TMEM178B: variants seen among roughly 807,000 people sequenced by gnomAD.
TMEM178B encodes transmembrane protein 178B.
Under a neutral mutation model 31.0 loss-of-function variants are expected in TMEM178B, and 5 were observed. That is an observed-to-expected ratio of 0.16 (90% confidence interval 0.08 to 0.34). The LOEUF is 0.34. TMEM178B is among the 10% of genes least tolerant of loss of function. The pLI is 1.00. For synonymous variants in TMEM178B, 164 were observed against 164.0 expected, an observed-to-expected ratio of 1.00 and a Z score of 0.00; for missense variants, 275 against 400.3, an observed-to-expected ratio of 0.69 and a Z score of 2.67.
rs546335978 is a variant in TMEM178B at position 141,322,324 on chromosome 7, C to T, written c.496+109620C>T. On this transcript the variant is annotated intron_variant, in intron 2 of 3. Coordinates refer to ENST00000565468, the MANE Select transcript of TMEM178B (RefSeq NM_001195278.2). ...GGCGGACCACTTGAGGTCAGGAGTTCGAGACCAGCCTGGCCAAAATGGTGA... is the reference window on the plus strand; with the variant it reads ...GGCGGACCACTTGAGGTCAGGAGTTTGAGACCAGCCTGGCCAAAATGGTGA... Among the ~76,000 whole-genome samples, 308 of 149,284 alleles carry T rather than the reference C, an allele frequency of 2.1e-3. 3 individuals are homozygous for T. The highest frequency in any genetic ancestry group is 0.02 in the South Asian group (94 of 4,696).
chr7:141,315,436 C>A (rs1005698070), intron 2 of TMEM178B, among the ~76,000 whole-genome samples: 1 of 152,204 alleles, frequency 6.6e-6, no homozygotes, highest in African/African-American at 2.4e-5. Flanking sequence ...CTGTCCCACA[C>A]CTATGCTTTT....
At chr7:141,174,890 A>G (rs1401547507) in intron 1 of TMEM178B, among the ~76,000 whole-genome samples, 1 of 151,930 alleles carries the variant, frequency 6.6e-6, no homozygotes, top group Admixed American at 6.6e-5. Context: ...GATTGCAAAA[A>G]TTTTCTCCCA....
chr7:141,171,591 C>G lies in TMEM178B; in HGVS notation c.383-41000C>G, dbSNP rs1293821063. Among the ~76,000 whole-genome samples the G allele has an allele frequency of 6.6e-6, 1 of 152,142 alleles. No individual in the cohort carries two copies. The highest frequency in any genetic ancestry group is 1.5e-5 in the Non-Finnish European group (1 of 68,032). ...TTCTGAAGTGGGGATGCACGACCAC[C>G]TTGCCAGGCCTCGGTCTCCCGCATG... On this transcript the variant is annotated intron_variant, in intron 1 of 3. Transcript: ENST00000565468. The surrounding 1 kb of genome is among the most constrained non-coding windows in gnomAD (Gnocchi z 4.3).
chr7:141,139,396 A>G (rs1321124908), intron 1 of TMEM178B, among the ~76,000 whole-genome samples: 1 of 152,106 alleles, frequency 6.6e-6, no homozygotes, highest in African/African-American at 2.4e-5. Flanking sequence ...GTTTTGCCCA[A>G]GCTGGAGTTC....
Position 141,216,448 on chromosome 7 carries a change from T to TGTGTGTGTGTGTGTGC in TMEM178B, c.496+3745_496+3746insTGTGTGTGTGTGTGCG, listed in dbSNP as rs1415593747. On this transcript the variant is annotated intron_variant, in intron 2 of 3. Transcript: ENST00000565468. The stretch of plus-strand genomic sequence containing the variant: ...CTGTGTGTGTGTGTGTGTGTGTGTG[T>TGTGTGTGTGTGTGTGC]GCGCGCGCGCGCGCGTGTGTGTGTG... Among the ~76,000 whole-genome samples the TGTGTGTGTGTGTGTGC allele has an allele frequency of 3.7e-5, 5 of 135,840 alleles. 1 individual carries two copies. The highest frequency in any genetic ancestry group is 1.5e-4 in the African/African-American group (5 of 34,266). The allele number at this position is 135,840 out of a possible 152,430, so 89.1% of individuals were successfully genotyped here.
chr7:141,497,655 C>T, the TMEM178B span, among the ~76,000 whole-genome samples: 2 of 152,190 alleles, frequency 1.3e-5, no homozygotes, highest in Non-Finnish European at 2.9e-5. Context: ...CTCTTGTCTT[C>T]GTGTTACACC....
At chr7:141,493,910 G>A in the TMEM178B span, among the ~76,000 whole-genome samples, 1 of 152,106 alleles carries the variant, frequency 6.6e-6, no homozygotes, top group African/African-American at 2.4e-5. Flanking sequence ...TCATTTCTCT[G>A]ATAAAAATTT....
At chr7:141,325,210 T>G (rs1299617539) in intron 2 of TMEM178B, among the ~76,000 whole-genome samples, 2 of 152,178 alleles carry the variant, frequency 1.3e-5, no homozygotes, top group Admixed American at 1.3e-4. Context: ...TGCTGTAATA[T>G]AAAGATGGAG....
intron 1 of TMEM178B, among the ~76,000 whole-genome samples, chr7:141,187,956 A>G (rs1212442177): frequency 6.6e-6 from 1 of 151,928 alleles, no homozygotes; most frequent in Non-Finnish European, 1.5e-5. Flanking sequence ...ATTAGATCCC[A>G]TTTGTCAATT....
chr7:141,303,520 C>A lies in TMEM178B; in HGVS notation c.496+90816C>A, dbSNP rs574073341. 3.9e-5 allele frequency among the ~76,000 whole-genome samples: 6 copies of A among 152,336 alleles called. No homozygotes were observed. The South Asian group carries it at 6.2e-4, about 16-fold the overall frequency. ...ACAGAGATGGCCTCCCCAAACCTGA[C>A]GAGCTGCGTGCTCATGAGAGGAGCG... is the stretch of plus-strand genomic sequence containing the variant. On this transcript the variant is annotated intron_variant, in intron 2 of 3. Coordinates refer to ENST00000565468, the MANE Select transcript of TMEM178B (RefSeq NM_001195278.2).
intron 2 of TMEM178B, among the ~76,000 whole-genome samples, chr7:141,245,017 A>C (rs2129194229): frequency 6.6e-6 from 1 of 151,258 alleles, no homozygotes; most frequent in Non-Finnish European, 1.5e-5. Context: ...TGTGCCTGTA[A>C]TCCCAGCTAC....
chr7:141,111,062 T>C (rs1228041608), intron 1 of TMEM178B, among the ~76,000 whole-genome samples: 1 of 152,164 alleles, frequency 6.6e-6, no homozygotes, highest in East Asian at 1.9e-4. Flanking sequence ...TATGCCAGTG[T>C]ATTAGTCGGT....
intron 2 of TMEM178B, among the ~76,000 whole-genome samples, chr7:141,323,525 T>C (rs548068717): frequency 7.2e-5 from 11 of 152,368 alleles, no homozygotes; most frequent in Admixed American, 3.3e-4. Flanking sequence ...TATGGCTGTA[T>C]TATTATCTAA....
At chr7:141,489,702 G>C in the TMEM178B span, among the ~76,000 whole-genome samples, 1 of 152,142 alleles carries the variant, frequency 6.6e-6, no homozygotes, top group Non-Finnish European at 1.5e-5. Flanking sequence ...TGTTCTACCA[G>C]CAGAACAGAA....
At position 141,474,982 on chromosome 7, in the gene TMEM178B, T is replaced by C. The variant is rs185519346; in HGVS notation, c.*4196T>C. ...ACTCTGGTCATCCTTTGGTGTGGTTTGTGGGGGATACTTGGTTGATTCTTG... is the reference window on the plus strand; with the variant it reads ...ACTCTGGTCATCCTTTGGTGTGGTTCGTGGGGGATACTTGGTTGATTCTTG... On this transcript the variant is annotated 3_prime_UTR_variant, in exon 4 of 4. Coordinates refer to ENST00000565468, the MANE Select transcript of TMEM178B (RefSeq NM_001195278.2). 5 of 152,242 alleles carry C rather than the reference T, an allele frequency of 3.3e-5. No homozygotes were observed. The highest frequency in any genetic ancestry group is 1.3e-4 in the Admixed American group (2 of 15,292). 9.4% of individuals were successfully genotyped at this position (152,242 alleles called of 1,614,324 possible).
intron 1 of TMEM178B, among the ~76,000 whole-genome samples, chr7:141,109,629 C>T (rs1183403058): frequency 6.6e-6 from 1 of 152,108 alleles, no homozygotes; most frequent in Non-Finnish European, 1.5e-5. Context: ...CATTAACCCC[C>T]CTTGTCTAGG....
At chr7:141,352,377 ATTT>A (rs5888001) in intron 2 of TMEM178B, 20 of 132,266 alleles carry the variant, frequency 1.5e-4, no homozygotes, top group South Asian at 2.5e-4. Context: ...GGAGTCCACT[ATTT>A]TTTTTTTTTT....
intron 2 of TMEM178B, among the ~76,000 whole-genome samples, chr7:141,345,863 C>T (rs1479987189): frequency 1.3e-5 from 2 of 152,172 alleles, no homozygotes; most frequent in African/African-American, 4.8e-5. Context: ...GCAATTTGGG[C>T]ATGCCGTCAC....
chr7:141,351,811 TAG>T (rs1415027912), intron 2 of TMEM178B, among the ~76,000 whole-genome samples: 1 of 152,186 alleles, frequency 6.6e-6, no homozygotes, highest in African/African-American at 2.4e-5. Context: ...AGGTATTTTT[TAG>T]AGATAAGAAA....
Sources: allele counts gnomAD v4.1 joint callset (sites outside exome capture counted in the v4.1 genomes callset), GRCh38; gene constraint gnomAD v4.1.1; non-coding constraint Gnocchi (gnomAD v3.1); transcripts MANE v1.5; gene names NCBI Gene and HGNC (gene_info 2026-07-23, HGNC 2026-07-21).